BLTP1: variants seen among roughly 807,000 people sequenced by gnomAD.
BLTP1 encodes the protein bridge-like lipid transfer protein family member 1.
At chr4:122,250,105 A>G in the BLTP1 span, 1 of 598,862 alleles carries the variant, frequency 1.7e-6, no homozygotes, top group Non-Finnish European at 2.1e-6. Flanking sequence ...TAATAGCTCA[A>G]AAAGGAAGGT....
the BLTP1 span, among the ~76,000 whole-genome samples, chr4:122,340,024 G>A: frequency 6.6e-6 from 1 of 151,926 alleles, no homozygotes; most frequent in Non-Finnish European, 1.5e-5. Flanking sequence ...ACATGCAAAT[G>A]GTAAAAATTT....
chr4:122,326,368 G>A, the BLTP1 span, among the ~76,000 whole-genome samples: 3 of 151,726 alleles, frequency 2.0e-5, no homozygotes, highest in South Asian at 6.2e-4. Flanking sequence ...TTATTCTCTT[G>A]TTCAAAACAA....
At chr4:122,264,872 G>A in the BLTP1 span, among the ~76,000 whole-genome samples, 17 of 152,196 alleles carry the variant, frequency 1.1e-4, no homozygotes, top group African/African-American at 3.9e-4. Context: ...GTGTTGAAAA[G>A]ATGAATTATT....
At chr4:122,179,359 C>CTT in the BLTP1 span, among the ~76,000 whole-genome samples, 1 of 152,092 alleles carries the variant, frequency 6.6e-6, no homozygotes, top group South Asian at 2.1e-4. Context: ...CACATCCCAC[C>CTT]TTTATTTGTT....
chr4:122,274,225 C>T, the BLTP1 span: 1 of 677,826 alleles, frequency 1.5e-6, no homozygotes, highest in South Asian at 2.1e-5. Context: ...ACAAAATTTA[C>T]CATAACTTTA....
chr4:122,266,977 T>C, the BLTP1 span: 1 of 1,362,484 alleles, frequency 7.3e-7, no homozygotes, highest in Non-Finnish European at 1.0e-6. Context: ...TGCATTTTTG[T>C]GTATAATTTT....
the BLTP1 span, chr4:122,243,621 T>C: frequency 6.2e-6 from 2 of 321,432 alleles, no homozygotes; most frequent in South Asian, 1.2e-4. Flanking sequence ...TAGTGGCGCA[T>C]GCCTGTAATC....
At chr4:122,331,788 T>C in the BLTP1 span, 1 of 972,000 alleles carries the variant, frequency 1.0e-6, no homozygotes, top group Non-Finnish European at 1.2e-6. Context: ...AAAATAGTTA[T>C]ATCTTTGGAA....
At chr4:122,154,882 A>C in the BLTP1 span, 2 of 844,710 alleles carry the variant, frequency 2.4e-6, no homozygotes, top group Non-Finnish European at 2.9e-6. Context: ...AAAAAACAAA[A>C]ATTGAGAAAA....
At chr4:122,255,509 G>A in the BLTP1 span, among the ~76,000 whole-genome samples, 1 of 152,116 alleles carries the variant, frequency 6.6e-6, no homozygotes, top group Non-Finnish European at 1.5e-5. Context: ...AGCTGGGCGT[G>A]CTGGCTGTCA....
At chr4:122,276,028 T>C in the BLTP1 span, 1 of 1,582,914 alleles carries the variant, frequency 6.3e-7, no homozygotes. Context: ...TTTCTGTATG[T>C]CATATTATTC....
At chr4:122,253,662 C>T in the BLTP1 span, among the ~76,000 whole-genome samples, 2 of 151,846 alleles carry the variant, frequency 1.3e-5, no homozygotes, top group African/African-American at 4.8e-5. Flanking sequence ...TAGAAAATAG[C>T]CTCAAAAGGG....
chr4:122,280,877 T>C, the BLTP1 span, among the ~76,000 whole-genome samples: 1 of 152,196 alleles, frequency 6.6e-6, no homozygotes, highest in African/African-American at 2.4e-5. Context: ...TTCCTCTGAA[T>C]AGAAATATGG....
At chr4:122,222,920 G>T in the BLTP1 span, 3 of 834,622 alleles carry the variant, frequency 3.6e-6, no homozygotes, top group Non-Finnish European at 4.3e-6. Flanking sequence ...AATATTTATT[G>T]GTGTATCATG....
At chr4:122,246,320 AT>A in the BLTP1 span, 2 of 1,536,204 alleles carry the variant, frequency 1.3e-6, no homozygotes, top group East Asian at 2.3e-5. Flanking sequence ...ATATTTAAAA[AT>A]TTTTTCCTGA....
chr4:122,221,063 C>A, the BLTP1 span: 3 of 979,050 alleles, frequency 3.1e-6, no homozygotes, highest in Non-Finnish European at 2.4e-6. Context: ...ACTTTATATG[C>A]CCCTGTCTTA....
chr4:122,187,460 C>G, the BLTP1 span: 283 of 1,611,974 alleles, frequency 1.8e-4, 5 homozygotes, highest in East Asian at 3.6e-3. Flanking sequence ...TCCCAAGACC[C>G]CACATCTTCA....
At chr4:122,209,949 C>T in the BLTP1 span, 1 of 1,606,234 alleles carries the variant, frequency 6.2e-7, no homozygotes, top group East Asian at 2.2e-5. Context: ...ATAATTTGTG[C>T]TTTTATACAG....
the BLTP1 span, among the ~76,000 whole-genome samples, chr4:122,201,554 G>A: frequency 3.3e-5 from 5 of 152,108 alleles, no homozygotes; most frequent in African/African-American, 9.7e-5. Flanking sequence ...AATCTTTTCT[G>A]TTGGCATGGA....
Sources: gnomAD v4.1 joint callset for allele counts (sites outside exome capture counted in the v4.1 genomes callset) on GRCh38, gnomAD v4.1.1 for gene constraint, MANE v1.5 for transcripts, NCBI Gene and HGNC (gene_info 2026-07-23, HGNC 2026-07-21) for gene names.